TMEM131L: variants seen among roughly 807,000 people sequenced by gnomAD.
TMEM131L encodes the protein transmembrane 131 like.
In TMEM131L, 54 loss-of-function variants were observed where a neutral mutation model predicts 192.2. That is an observed-to-expected ratio of 0.28 (90% confidence interval 0.23 to 0.35). The LOEUF (loss-of-function observed/expected upper bound fraction) is 0.35. Among genes scored for constraint, TMEM131L ranks in the 10% least tolerant of loss-of-function variants. The pLI, the probability that TMEM131L is intolerant of heterozygous loss-of-function variation, is 1.00. For synonymous variants in TMEM131L, 701 were observed against 704.9 expected, an observed-to-expected ratio of 0.99 and a Z score of 0.09; for missense variants, 1,888 against 1,972.9, an observed-to-expected ratio of 0.96 and a Z score of 0.82.
intron 31 of TMEM131L, 137 bp downstream of exon 31, chr4:153,627,824 A>G (rs1235739342): frequency 4.6e-6 from 3 of 657,418 alleles, no homozygotes; most frequent in Admixed American, 5.4e-5. Flanking sequence ...TGCAAGCCAC[A>G]CGTTCATACA....
chr4:153,610,229 C>T (rs928857656), intron 25 of TMEM131L, among the ~76,000 whole-genome samples: 14 of 152,130 alleles, frequency 9.2e-5, no homozygotes, highest in African/African-American at 1.2e-4. Flanking sequence ...CAGAAATTCC[C>T]GGGAAATAGC....
Position 153,567,808 on chromosome 4 carries a change from G to T in TMEM131L, c.660+9440G>T, listed in dbSNP as rs181083171. ...TCCTACTGCCTGGGCCTCCCAAAGT[G>T]CTGGGATTACAGGTGTGAGTCACCA... On this transcript the variant is annotated intron_variant, in intron 7 of 34. Coordinates refer to ENST00000409959, the MANE Select transcript of TMEM131L (RefSeq NM_001131007.2). Among the ~76,000 whole-genome samples the T allele has an allele frequency of 3.2e-3, 480 of 152,232 alleles. 4 individuals are homozygous for T. The highest frequency in any genetic ancestry group is 0.011 in the African/African-American group (450 of 41,540).
chr4:153,553,143 C>T lies in TMEM131L; in HGVS notation c.309-2644C>T, dbSNP rs78256717. On this transcript the variant is annotated intron_variant, in intron 4 of 34. Transcript: ENST00000409959. The stretch of plus-strand genomic sequence containing the variant: ...TTTAGATGGAATCACCTTTGGAGGA[C>T]TTAGTTACGTTTATATAATACTTTA... 8.5e-3 allele frequency among the ~76,000 whole-genome samples: 1,286 copies of T among 152,116 alleles called. 22 individuals are homozygous for T. Among genetic ancestry groups the T allele is most frequent in the African/African-American group, 0.029 (1,211 of 41,488 alleles).
At chr4:153,499,091 G>C (rs998262703) in intron 3 of TMEM131L, among the ~76,000 whole-genome samples, 1 of 152,192 alleles carries the variant, frequency 6.6e-6, no homozygotes, top group African/African-American at 2.4e-5. Flanking sequence ...AAACCTCTGT[G>C]GCTCATCCTA....
At chr4:153,561,839 A>G (rs754413085) in intron 7 of TMEM131L, among the ~76,000 whole-genome samples, 21 of 152,186 alleles carry the variant, frequency 1.4e-4, no homozygotes, top group Middle Eastern at 3.2e-3. Context: ...TGATAGGGCA[A>G]TGAACACACA....
At chr4:153,583,060 C>G (rs1465836743) in intron 9 of TMEM131L, 130 bp from the exon 10 acceptor site, 1 of 576,566 alleles carries the variant, frequency 1.7e-6, no homozygotes, top group East Asian at 3.2e-5. Context: ...TTTTGAGAAA[C>G]AAGTTAACAT....
chr4:153,501,990 T>TA (rs1259600676), intron 3 of TMEM131L, among the ~76,000 whole-genome samples: 1 of 148,256 alleles, frequency 6.7e-6, no homozygotes, highest in Non-Finnish European at 1.5e-5. Flanking sequence ...GTCTTGCTGT[T>TA]ACCCAGGCTG....
chr4:153,594,858 C>T lies in TMEM131L; in HGVS notation c.1995+987C>T, dbSNP rs143553817. Among the ~76,000 whole-genome samples, 538 of 152,242 alleles carry T rather than the reference C, an allele frequency of 3.5e-3. 3 individuals are homozygous for T. Among genetic ancestry groups the T allele is most frequent in the African/African-American group, 0.012 (505 of 41,536 alleles). On this transcript the variant is annotated intron_variant, in intron 19 of 34. Coordinates refer to ENST00000409959, the MANE Select transcript of TMEM131L (RefSeq NM_001131007.2). ...CCCCTCTCTCTCCTTCTCATTTTCT[C>T]CACCAGGAGGTCTTCAAGGCTATTC...
chr4:153,492,762 TG>T (rs5863051), intron 3 of TMEM131L, among the ~76,000 whole-genome samples: 46,169 of 151,960 alleles, frequency 0.3, 7,951 homozygotes, highest in South Asian at 0.42. Context: ...TAAATTTAGG[TG>T]TTTTTTTTAA....
chr4:153,591,846 A>G (rs1731091034), intron 17 of TMEM131L, among the ~76,000 whole-genome samples: 1 of 152,212 alleles, frequency 6.6e-6, no homozygotes, highest in Non-Finnish European at 1.5e-5. Context: ...GTAGTATATC[A>G]GGAGCTCCCA....
intron 26 of TMEM131L, among the ~76,000 whole-genome samples, chr4:153,614,800 A>G (rs556262893): frequency 6.6e-6 from 1 of 152,346 alleles, no homozygotes; most frequent in South Asian, 2.1e-4. Flanking sequence ...GCGGGGAGAT[A>G]TGATGTAATC....
intron 9 of TMEM131L, among the ~76,000 whole-genome samples, chr4:153,582,557 G>A (rs1467165312): frequency 7.0e-6 from 1 of 142,542 alleles, no homozygotes; most frequent in East Asian, 2.4e-4. Flanking sequence ...GGGATTGCAA[G>A]CATGAGCCAC....
chr4:153,519,553 A>G (rs1734964194), intron 3 of TMEM131L, among the ~76,000 whole-genome samples: 1 of 152,222 alleles, frequency 6.6e-6, no homozygotes, highest in Non-Finnish European at 1.5e-5. Flanking sequence ...ATTTGCCATC[A>G]CATATAGAAT....
At chr4:153,584,666 G>A (rs1002913926) in intron 11 of TMEM131L, among the ~76,000 whole-genome samples, 169 bp from the exon 12 acceptor site, 7 of 152,206 alleles carry the variant, frequency 4.6e-5, no homozygotes, top group Non-Finnish European at 1.0e-4. Flanking sequence ...TGGCAACAAA[G>A]AAGATGACAG....
chr4:153,558,121 A>C (rs2150484316), intron 6 of TMEM131L, 137 bp from the exon 7 acceptor site: 1 of 483,436 alleles, frequency 2.1e-6, no homozygotes, highest in South Asian at 4.4e-5. Flanking sequence ...GACAAAGATA[A>C]ATAAAATAAT....
rs199653825 is a variant in TMEM131L, at chr4:153,540,914, C to CT, written c.240-9151dup. ...TTCGTGTGAATTTCTGCTTTGGCTT[C>CT]TTTTTTTTATGTATAGTGTCTGGCA... On this transcript the variant is annotated intron_variant, in intron 3 of 34. Coordinates refer to ENST00000409959, the MANE Select transcript of TMEM131L (RefSeq NM_001131007.2). Among the ~76,000 whole-genome samples, 394 of 152,070 alleles carry CT rather than the reference C, an allele frequency of 2.6e-3. 3 individuals are homozygous for CT. Among genetic ancestry groups the CT allele is most frequent in the African/African-American group, 8.9e-3 (368 of 41,486 alleles).
At chr4:153,485,342 G>A (rs959191997) in intron 3 of TMEM131L, among the ~76,000 whole-genome samples, 5 of 152,018 alleles carry the variant, frequency 3.3e-5, no homozygotes, top group Non-Finnish European at 7.4e-5. Flanking sequence ...GTTTGTTCAG[G>A]TATTTTATTT....
chr4:153,574,326 G>C (rs1313886514), intron 7 of TMEM131L, among the ~76,000 whole-genome samples: 2 of 152,092 alleles, frequency 1.3e-5, no homozygotes, highest in Non-Finnish European at 2.9e-5. Flanking sequence ...TGGTGGTGGT[G>C]GTGGGGGTTG....
intron 11 of TMEM131L, 111 bp downstream of exon 11, chr4:153,583,783 C>T (rs1476209182): frequency 2.9e-5 from 19 of 662,924 alleles, no homozygotes; most frequent in Non-Finnish European, 4.2e-5. Flanking sequence ...GAAGGGAATG[C>T]GTTTGATTTC....
Sources: allele counts gnomAD v4.1 joint callset (sites outside exome capture counted in the v4.1 genomes callset), GRCh38; gene constraint gnomAD v4.1.1; transcripts MANE v1.5; gene names NCBI Gene and HGNC (gene_info 2026-07-23, HGNC 2026-07-21).